The following OR2L13 variants were observed in gnomAD, a reference collection of about 807,000 sequenced individuals.
OR2L13 encodes the protein olfactory receptor family 2 subfamily L member 13.
Under a neutral mutation model 15.3 loss-of-function variants are expected in OR2L13, and 14 were observed. That is an observed-to-expected ratio of 0.91 (90% CI 0.60 to 1.43). OR2L13 has a LOEUF of 1.43. Ranked by LOEUF, OR2L13 falls within the 40% of genes most tolerant of loss-of-function variation. OR2L13 has a pLI of 0.00. For missense variants in OR2L13, 367 were observed against 387.9 expected (o/e 0.95, Z 0.45); for synonymous variants, 152 against 142.9 (o/e 1.06, Z -0.45).
the OR2L13 span, among the ~76,000 whole-genome samples, chr1:247,978,020 G>A: frequency 6.6e-6 from 1 of 152,254 alleles, no homozygotes; most frequent in Admixed American, 6.5e-5. Context: ...TTTCTTCAGA[G>A]CGATGAAGCC....
the OR2L13 span, among the ~76,000 whole-genome samples, chr1:248,076,186 A>G: frequency 2.6e-5 from 4 of 152,058 alleles, no homozygotes; most frequent in African/African-American, 9.7e-5. Context: ...TGAGACCTCT[A>G]TTCTGTTCCA....
exon 3 of OR2L13, chr1:248,099,733 G>A (rs868403610): frequency 2.5e-6 from 4 of 1,614,028 alleles, no homozygotes; most frequent in Non-Finnish European, 3.4e-6. Context: ...CATGGCCTAC[G>A]ACCGTTATTT....
chr1:248,082,278 T>G, the OR2L13 span, among the ~76,000 whole-genome samples: 1 of 137,622 alleles, frequency 7.3e-6, no homozygotes, highest in Non-Finnish European at 1.5e-5. Flanking sequence ...CACTCATAGG[T>G]GGGAATTGAA....
chr1:248,071,123 T>G, the OR2L13 span, among the ~76,000 whole-genome samples: 4 of 152,222 alleles, frequency 2.6e-5, no homozygotes, highest in African/African-American at 9.6e-5. Flanking sequence ...CTAACTCATT[T>G]TATGAGGCCA....
At chr1:248,058,774 A>C in the OR2L13 span, among the ~76,000 whole-genome samples, 1 of 151,992 alleles carries the variant, frequency 6.6e-6, no homozygotes, top group Non-Finnish European at 1.5e-5. Context: ...TTATTTTGCT[A>C]TATGCATTTC....
the OR2L13 span, among the ~76,000 whole-genome samples, chr1:247,989,705 A>C: frequency 6.6e-6 from 1 of 152,204 alleles, no homozygotes; most frequent in Non-Finnish European, 1.5e-5. Context: ...GGACTTTTTA[A>C]AAACTATTGG....
At chr1:248,070,500 C>T in the OR2L13 span, among the ~76,000 whole-genome samples, 2 of 152,140 alleles carry the variant, frequency 1.3e-5, no homozygotes, top group Non-Finnish European at 2.9e-5. Context: ...ATTAATAGCA[C>T]TAAATGCCCA....
the OR2L13 span, among the ~76,000 whole-genome samples, chr1:248,036,820 T>G: frequency 6.6e-6 from 1 of 152,168 alleles, no homozygotes; most frequent in Non-Finnish European, 1.5e-5. Flanking sequence ...GTAAAGTGAT[T>G]TATTGTTTTT....
the OR2L13 span, among the ~76,000 whole-genome samples, chr1:248,049,371 CT>C: frequency 1.3e-5 from 2 of 152,142 alleles, no homozygotes; most frequent in African/African-American, 4.8e-5. Flanking sequence ...GTAATAGGTT[CT>C]TCATTTGAAA....
the OR2L13 span, among the ~76,000 whole-genome samples, chr1:247,994,933 C>G: frequency 6.6e-6 from 1 of 152,118 alleles, no homozygotes; most frequent in East Asian, 1.9e-4. Context: ...CTGGAATTAT[C>G]TAATTAAAAT....
chr1:247,987,495 G>A, the OR2L13 span, among the ~76,000 whole-genome samples: 1 of 152,012 alleles, frequency 6.6e-6, no homozygotes, highest in African/African-American at 2.4e-5. Flanking sequence ...GAAGTTGTGG[G>A]TTAAATTCTT....
chr1:248,078,121 G>C, the OR2L13 span, among the ~76,000 whole-genome samples: 1 of 152,084 alleles, frequency 6.6e-6, no homozygotes, highest in South Asian at 2.1e-4. Context: ...TAAAATTATT[G>C]GTAGTGCCAA....
upstream of OR2L13, chr1:248,095,376 G>A (rs1242072888): frequency 2.6e-5 from 4 of 152,048 alleles, no homozygotes; most frequent in Non-Finnish European, 4.4e-5. Context: ...TGTGGGAGCT[G>A]TAAGGAATGA....
At chr1:248,048,147 C>G in the OR2L13 span, among the ~76,000 whole-genome samples, 1 of 152,170 alleles carries the variant, frequency 6.6e-6, no homozygotes, top group Non-Finnish European at 1.5e-5. Context: ...TGTCTGCCCA[C>G]TTACCTGTGT....
At chr1:247,941,946 G>T in the OR2L13 span, among the ~76,000 whole-genome samples, 1 of 152,136 alleles carries the variant, frequency 6.6e-6, no homozygotes, top group Admixed American at 6.5e-5. Context: ...GGTAAATACT[G>T]GGAATTATTG....
the OR2L13 span, among the ~76,000 whole-genome samples, chr1:248,049,867 A>G: frequency 6.6e-6 from 1 of 152,178 alleles, no homozygotes; most frequent in African/African-American, 2.4e-5. Context: ...ATGTACGTTT[A>G]TTTATCTAGA....
chr1:248,006,410 A>G, the OR2L13 span, among the ~76,000 whole-genome samples: 1 of 151,994 alleles, frequency 6.6e-6, no homozygotes, highest in Non-Finnish European at 1.5e-5. Flanking sequence ...CCTCTGTCAC[A>G]AGCATGCTTA....
At chr1:247,948,542 CAAAG>C in the OR2L13 span, among the ~76,000 whole-genome samples, 1 of 151,934 alleles carries the variant, frequency 6.6e-6, no homozygotes, top group African/African-American at 2.4e-5. Flanking sequence ...AAAATCAGAA[CAAAG>C]AAGTCTGAGT....
chr1:248,096,771 T>G (rs1484592772), upstream of OR2L13, among the ~76,000 whole-genome samples: 1 of 152,238 alleles, frequency 6.6e-6, no homozygotes, highest in African/African-American at 2.4e-5. Context: ...ATTGTTAGTT[T>G]CTGTGAAATG....
Sources: allele counts gnomAD v4.1 joint callset (sites outside exome capture counted in the v4.1 genomes callset), GRCh38; gene constraint gnomAD v4.1.1; transcripts MANE v1.5; gene names NCBI Gene and HGNC (gene_info 2026-07-23, HGNC 2026-07-21).